The following EPSTI1 variants were observed in gnomAD, a reference collection of about 807,000 sequenced individuals.
The protein encoded by EPSTI1 is epithelial stromal interaction 1, also known as epithelial-stromal interaction protein 1.
In EPSTI1, 66 loss-of-function variants were observed where a neutral mutation model predicts 49.9. The ratio of observed to expected loss-of-function variants is 1.32; its 90% confidence interval spans 1.08 to 1.62. The LOEUF (loss-of-function observed/expected upper bound fraction) is 1.62, where lower values mean the gene tolerates loss of function less well. Ranked by LOEUF, EPSTI1 falls within the 40% of genes most tolerant of loss-of-function variation. The pLI is 0.00. For synonymous variants in EPSTI1, 137 were observed against 130.7 expected (o/e 1.05, Z -0.33); for missense variants, 394 against 365.5 (o/e 1.08, Z -0.64).
chr13:42,908,566 G>A (rs2037568644), intron 8 of EPSTI1, among the ~76,000 whole-genome samples: 1 of 148,694 alleles, frequency 6.7e-6, no homozygotes, highest in Non-Finnish European at 1.5e-5. Flanking sequence ...TTTTGGATAA[G>A]ACTTTAAAAG....
intron 6 of EPSTI1, chr13:42,934,865 T>C: frequency 5.7e-6 from 1 of 175,732 alleles, no homozygotes; most frequent in Non-Finnish European, 1.3e-5. Flanking sequence ...CCATTCCAAA[T>C]AATGAGAGAA....
At chr13:42,888,840 T>C (rs2036943301) in intron 10 of EPSTI1, among the ~76,000 whole-genome samples, 1 of 152,144 alleles carries the variant, frequency 6.6e-6, no homozygotes, top group Non-Finnish European at 1.5e-5. Context: ...TGAACACATG[T>C]GGAACAGAGC....
chr13:42,990,828 AT>A (rs1206013365), intron 1 of EPSTI1, among the ~76,000 whole-genome samples: 1 of 152,234 alleles, frequency 6.6e-6, no homozygotes, highest in African/African-American at 2.4e-5. Flanking sequence ...CTAGAAGTCG[AT>A]GAAAAAGGAG....
rs185245230 is a variant in EPSTI1, at chr13:42,980,147, T to C, written c.189-9477A>G. The stretch of plus-strand genomic sequence containing the variant: ...GGTTAAACATTTTTAGAAAGAATAC[T>C]AGATAAGACATGTTATCCAAGATGC... On this transcript the variant is annotated intron_variant, in intron 1 of 10. Coordinates refer to ENST00000313624, the MANE Select transcript of EPSTI1 (RefSeq NM_033255.5). Among the ~76,000 whole-genome samples, 918 of 152,300 alleles carry C rather than the reference T, an allele frequency of 6.0e-3. 8 individuals are homozygous for C. Among genetic ancestry groups the C allele is most frequent in the Non-Finnish European group, 0.01 (708 of 68,028 alleles).
intron 8 of EPSTI1, among the ~76,000 whole-genome samples, chr13:42,901,255 A>G (rs947637782): frequency 1.3e-5 from 2 of 152,172 alleles, no homozygotes; most frequent in Non-Finnish European, 1.5e-5. Flanking sequence ...AAAGGTTGCT[A>G]TTGTTGTTTT....
chr13:42,983,992 A>C (rs1566182050), intron 1 of EPSTI1, among the ~76,000 whole-genome samples: 1 of 152,230 alleles, frequency 6.6e-6, no homozygotes, highest in South Asian at 2.1e-4. Context: ...CATTTCAAAA[A>C]TAAGTCAAAT....
At chr13:42,910,635 A>G (rs1302074373) in intron 8 of EPSTI1, among the ~76,000 whole-genome samples, 1 of 152,224 alleles carries the variant, frequency 6.6e-6, no homozygotes, top group African/African-American at 2.4e-5. Context: ...GCTCCCATGC[A>G]TAAATAACAA....
Position 42,926,289 on chromosome 13 carries a change from C to T in EPSTI1, c.657+47G>A, listed in dbSNP as rs145329376. On this transcript the variant is annotated intron_variant, in intron 7 of 10. Transcript: ENST00000313624. ...ATCCCTCATCTTCAGTCACTAAATA[C>T]CTCTATAAAATGTGCCAGGCAGCAC... 892 of 1,065,544 alleles carry T rather than the reference C, an allele frequency of 8.4e-4. 9 individuals carry two copies. In the East Asian group the frequency reaches 0.017, roughly 20 times the overall value. The allele number at this position is 1,065,544 out of a possible 1,614,324, so 66.0% of individuals were successfully genotyped here. A position where few individuals can be genotyped will look rare whatever the true frequency, so the allele number is the denominator to read the frequency against.
At chr13:42,953,514 A>G (rs1594717334) in intron 6 of EPSTI1, among the ~76,000 whole-genome samples, 1 of 152,358 alleles carries the variant, frequency 6.6e-6, no homozygotes, top group South Asian at 2.1e-4. Flanking sequence ...ACTTTTGCCA[A>G]TAACTACTAA....
In EPSTI1 at chr13:42,888,182, T is replaced by A. The variant is rs1223304190; in HGVS notation, c.*312A>T. ...AGCCTGTAGCACCCATAGCTCTGAT[T>A]AACCTGAAAGCATCAAGTGACTCCC... On this transcript the variant is annotated 3_prime_UTR_variant, in exon 11 of 11. Transcript: ENST00000313624. 1.9e-6 allele frequency: 3 copies of A among 1,559,352 alleles called. No homozygotes were observed. The South Asian group carries it at 3.6e-5, about 19-fold the overall frequency.
intron 8 of EPSTI1, among the ~76,000 whole-genome samples, chr13:42,911,299 ACATG>A (rs2037679418): frequency 8.6e-6 from 1 of 116,284 alleles, no homozygotes; most frequent in Non-Finnish European, 2.1e-5. Context: ...GTGAGTGTGC[ACATG>A]CTTCCTTTAT....
rs1191644820 is a variant in EPSTI1, at chr13:42,922,447, CTG to C, written c.657+3887_657+3888del. Among the ~76,000 whole-genome samples the C allele has an allele frequency of 6.6e-6, 1 of 152,164 alleles. No homozygotes were observed. Among genetic ancestry groups the C allele is most frequent in the African/African-American group, 2.4e-5 (1 of 41,432 alleles). ...AAGGTTGGGTGAGATGGAAGCTAAACTGGAGCCATGCAGCCGTGTGCCAAGGG... is the reference window on the plus strand; with the variant it reads ...AAGGTTGGGTGAGATGGAAGCTAAACGAGCCATGCAGCCGTGTGCCAAGGG... On this transcript the variant is annotated intron_variant, in intron 7 of 10. Transcript: ENST00000313624. This position sits in a 1 kb window ranked among gnomAD's most constrained non-coding sequence, Gnocchi z 4.8.
intron 3 of EPSTI1, among the ~76,000 whole-genome samples, chr13:42,968,728 T>C (rs2039683558): frequency 6.6e-6 from 1 of 152,132 alleles, no homozygotes; most frequent in South Asian, 2.1e-4. Context: ...CCATGATTAA[T>C]ATGCTTGTGC....
chr13:42,913,126 TAAAAC>T (rs1053537636), intron 8 of EPSTI1, among the ~76,000 whole-genome samples: 22 of 150,906 alleles, frequency 1.5e-4, no homozygotes, highest in African/African-American at 5.4e-4. Flanking sequence ...AGTAAATAAA[TAAAAC>T]AGAGAATTCA....
intron 7 of EPSTI1, among the ~76,000 whole-genome samples, chr13:42,919,538 A>G (rs2037934411): frequency 6.6e-6 from 1 of 152,210 alleles, no homozygotes; most frequent in African/African-American, 2.4e-5. Context: ...TACTCATTCT[A>G]TTAACAGTGT....
chr13:42,890,525 C>G (rs1466404990), intron 10 of EPSTI1, among the ~76,000 whole-genome samples: 3 of 152,090 alleles, frequency 2.0e-5, no homozygotes, highest in Admixed American at 6.5e-5. Flanking sequence ...GTCTCGATCT[C>G]CTGACCTCGT....
intron 7 of EPSTI1, among the ~76,000 whole-genome samples, chr13:42,924,583 T>G (rs2038115454): frequency 6.6e-6 from 1 of 152,078 alleles, no homozygotes; most frequent in African/African-American, 2.4e-5. Context: ...CTGTTCTCCC[T>G]CTCCCTCCCT....
At chr13:42,956,923 C>T (rs1299780850) in intron 5 of EPSTI1, among the ~76,000 whole-genome samples, 1 of 152,064 alleles carries the variant, frequency 6.6e-6, no homozygotes, top group African/African-American at 2.4e-5. Context: ...TTTATGAAAC[C>T]CAACAGTAAG....
chr13:42,971,720 A>G (rs1310582508), intron 1 of EPSTI1, among the ~76,000 whole-genome samples: 1 of 152,236 alleles, frequency 6.6e-6, no homozygotes, highest in Non-Finnish European at 1.5e-5. Flanking sequence ...GGCCAAAAGC[A>G]CTGATCAACA....
Sources: allele counts gnomAD v4.1 joint callset (sites outside exome capture counted in the v4.1 genomes callset), GRCh38; gene constraint gnomAD v4.1.1; non-coding constraint Gnocchi (gnomAD v3.1); transcripts MANE v1.5; gene names NCBI Gene and HGNC (gene_info 2026-07-23, HGNC 2026-07-21).